Variants in PRELID2 observed in about 807,000 individuals in gnomAD.
The protein encoded by PRELID2 is PRELI domain-containing protein 2.
PRELID2 carries 25 observed loss-of-function variants against 28.4 expected under a neutral mutation model. The observed-to-expected ratio is 0.88, with a 90% CI of 0.64 to 1.23. PRELID2 has a LOEUF of 1.23. Among genes scored for constraint, PRELID2 ranks in the 50% most tolerant of loss-of-function variants. The probability of loss-of-function intolerance (pLI) is 0.00; values close to 1 mark genes in which losing one functional copy is unlikely to be tolerated. For synonymous variants in PRELID2, 76 were observed against 71.6 expected, an observed-to-expected ratio of 1.06 and a Z score of -0.31; for missense variants, 201 against 214.4, an observed-to-expected ratio of 0.94 and a Z score of 0.39.
At chr5:145,314,788 A>C in the PRELID2 span, among the ~76,000 whole-genome samples, 1 of 151,932 alleles carries the variant, frequency 6.6e-6, no homozygotes, top group Admixed American at 6.6e-5. Flanking sequence ...TAAAACAATT[A>C]ACTTTTGACA....
chr5:145,775,090 C>T (rs866742710), intron 5 of PRELID2, among the ~76,000 whole-genome samples: 9 of 151,862 alleles, frequency 5.9e-5, no homozygotes, highest in African/African-American at 1.7e-4. Flanking sequence ...AAATACAAAA[C>T]GTAGCCAGGC....
At chr5:145,790,721 G>GTATATA (rs59779850) in intron 5 of PRELID2, among the ~76,000 whole-genome samples, 3 of 110,902 alleles carry the variant, frequency 2.7e-5, no homozygotes, top group Admixed American at 1.0e-4. Context: ...GTGTGTGTGT[G>GTATATA]TATATATATA....
chr5:145,453,575 C>G, the PRELID2 span, among the ~76,000 whole-genome samples: 1 of 152,136 alleles, frequency 6.6e-6, no homozygotes, highest in Non-Finnish European at 1.5e-5. Context: ...AAACCATCAT[C>G]TATCTACATT....
intron 1 of PRELID2, among the ~76,000 whole-genome samples, chr5:145,580,938 A>G (rs1225141677): frequency 2.0e-5 from 3 of 152,036 alleles, no homozygotes; most frequent in African/African-American, 7.2e-5. Context: ...TGAGCTTAGA[A>G]TAAAATCTCA....
At chr5:145,503,309 C>A (rs369911878) in intron 1 of PRELID2, among the ~76,000 whole-genome samples, 2 of 152,126 alleles carry the variant, frequency 1.3e-5, no homozygotes, top group Non-Finnish European at 2.9e-5. Context: ...TGTCTCCACA[C>A]CTCATCCACT....
chr5:145,271,397 G>T, the PRELID2 span, among the ~76,000 whole-genome samples: 3 of 151,918 alleles, frequency 2.0e-5, no homozygotes, highest in Non-Finnish European at 4.4e-5. Flanking sequence ...GAAAAACTTT[G>T]TAGAGATGAG....
chr5:145,828,829 A>C (rs968970534), intron 1 of PRELID2, among the ~76,000 whole-genome samples: 1 of 146,330 alleles, frequency 6.8e-6, no homozygotes, highest in Non-Finnish European at 1.5e-5. Flanking sequence ...TAGTGAAAAA[A>C]ATCTTTTTTT....
chr5:145,341,979 G>A, the PRELID2 span, among the ~76,000 whole-genome samples: 1 of 152,122 alleles, frequency 6.6e-6, no homozygotes, highest in African/African-American at 2.4e-5. Flanking sequence ...TAAGGTCAAA[G>A]ATAAAGAGTG....
chr5:145,689,452 C>T (rs1353861756), intron 1 of PRELID2, among the ~76,000 whole-genome samples: 1 of 152,208 alleles, frequency 6.6e-6, no homozygotes, highest in Non-Finnish European at 1.5e-5. Flanking sequence ...TCCTCTCTCT[C>T]ATTGGCAAAG....
the PRELID2 span, among the ~76,000 whole-genome samples, chr5:145,415,597 A>G: frequency 6.6e-6 from 1 of 150,628 alleles, no homozygotes; most frequent in Non-Finnish European, 1.5e-5. Flanking sequence ...ATGTCCCTAC[A>G]AAGGACATGA....
intron 1 of PRELID2, among the ~76,000 whole-genome samples, chr5:145,829,057 T>G (rs11951153): frequency 0.53 from 78,254 of 148,716 alleles, 22,762 homozygotes; most frequent in Non-Finnish European, 0.67. Flanking sequence ...TTTGTTGTTG[T>G]TGGTGGTGGT....
intron 1 of PRELID2, among the ~76,000 whole-genome samples, chr5:145,546,129 G>A (rs9324983): frequency 0.25 from 38,581 of 151,970 alleles, 6,377 homozygotes; most frequent in African/African-American, 0.48. Flanking sequence ...AAAAACTTGT[G>A]AAGTGTATGA....
intron 1 of PRELID2, among the ~76,000 whole-genome samples, chr5:145,685,255 G>C (rs1413555315): frequency 1.3e-5 from 2 of 152,068 alleles, no homozygotes; most frequent in African/African-American, 4.8e-5. Flanking sequence ...GGCCTCAAAG[G>C]CTTCCAAAGC....
At chr5:145,796,726 T>C (rs1394826014) in intron 4 of PRELID2, among the ~76,000 whole-genome samples, 179 bp from the exon 5 acceptor site, 1 of 152,160 alleles carries the variant, frequency 6.6e-6, no homozygotes. Flanking sequence ...TTATATAATA[T>C]TAACAGTCTT....
the PRELID2 span, among the ~76,000 whole-genome samples, chr5:145,257,085 A>T: frequency 2.6e-5 from 4 of 151,940 alleles, no homozygotes; most frequent in Non-Finnish European, 4.4e-5. Flanking sequence ...AGTAAATATA[A>T]ATGCATTTTA....
the PRELID2 span, among the ~76,000 whole-genome samples, chr5:145,315,152 C>T: frequency 6.7e-6 from 1 of 149,772 alleles, no homozygotes; most frequent in Middle Eastern, 3.6e-3. Context: ...TCACTGCAAC[C>T]TCCGCCTCCC....
At chr5:145,431,062 T>G in the PRELID2 span, among the ~76,000 whole-genome samples, 1 of 144,662 alleles carries the variant, frequency 6.9e-6, no homozygotes, top group African/African-American at 2.6e-5. Context: ...TTTGTCAGAG[T>G]TGAGCATCAC....
the PRELID2 span, among the ~76,000 whole-genome samples, chr5:145,295,331 A>T: frequency 1.3e-5 from 2 of 152,168 alleles, no homozygotes; most frequent in African/African-American, 4.8e-5. Flanking sequence ...AAGAAGAATC[A>T]TGGTAATATA....
intron 1 of PRELID2, among the ~76,000 whole-genome samples, chr5:145,644,510 T>C (rs528253795): frequency 1.3e-5 from 2 of 152,240 alleles, no homozygotes; most frequent in South Asian, 4.1e-4. Flanking sequence ...CATGTCTCTA[T>C]CTCCTTCAGT....
Sources: gnomAD v4.1 joint callset for allele counts (sites outside exome capture counted in the v4.1 genomes callset) on GRCh38, gnomAD v4.1.1 for gene constraint, MANE v1.5 for transcripts, NCBI Gene and HGNC (gene_info 2026-07-23, HGNC 2026-07-21) for gene names.